The following MYO18B variants were observed in gnomAD, a reference collection of about 807,000 sequenced individuals.
MYO18B encodes myosin XVIIIB.
Under a neutral mutation model 273.0 loss-of-function variants are expected in MYO18B, and 204 were observed. The observed-to-expected ratio is 0.75, with a 90% CI of 0.67 to 0.84. The LOEUF is 0.84. MYO18B is among the 40% of genes least tolerant of loss of function. The pLI is 0.00. For missense variants in MYO18B, 3,212 were observed against 3,287.6 expected, an observed-to-expected ratio of 0.98 and a Z score of 0.56; for synonymous variants, 1,330 against 1,305.7, an observed-to-expected ratio of 1.02 and a Z score of -0.40.
At chr22:26,016,789 C>A (rs6004895) in intron 42 of MYO18B, among the ~76,000 whole-genome samples, 71,290 of 151,964 alleles carry the variant, frequency 0.47, 17,527 homozygotes, top group African/African-American at 0.55. Context: ...AATAGACAAC[C>A]ACAGTACAGA....
At chr22:25,767,357 G>C (rs1047481859) in intron 3 of MYO18B, among the ~76,000 whole-genome samples, 1 of 152,188 alleles carries the variant, frequency 6.6e-6, no homozygotes, top group Non-Finnish European at 1.5e-5. Context: ...GCAGAAACCA[G>C]GGCCCTCAGC....
chr22:26,020,237 CCTT>C (rs1289400077), intron 42 of MYO18B, among the ~76,000 whole-genome samples: 1 of 152,118 alleles, frequency 6.6e-6, no homozygotes, highest in Non-Finnish European at 1.5e-5. Context: ...ATAGGTGCCT[CCTT>C]CTTTGTTCTT....
chr22:25,868,307 A>T lies in MYO18B; in HGVS notation c.3886-13A>T, dbSNP rs765149814. 6 of 1,592,922 alleles carry T rather than the reference A, an allele frequency of 3.8e-6. No homozygotes were observed. The highest frequency in any genetic ancestry group is 1.1e-5 in the South Asian group (1 of 87,184). ...TTCTATGCTGTCTAACTTCTCTCTA[A>T]TTTTTTCCCCAGGCCGTGGAGGAGC... On this transcript the variant is annotated splice_polypyrimidine_tract_variant and intron_variant, in intron 21 of 43. Transcript: ENST00000335473.
chr22:25,745,960 G>T (rs2085767229), intron 1 of MYO18B, among the ~76,000 whole-genome samples: 1 of 152,140 alleles, frequency 6.6e-6, no homozygotes, highest in African/African-American at 2.4e-5. Flanking sequence ...TGAGTTATTA[G>T]CCCCATTTTA....
chr22:25,928,361 G>C (rs1366212734), intron 34 of MYO18B, among the ~76,000 whole-genome samples: 3 of 145,422 alleles, frequency 2.1e-5, no homozygotes, highest in African/African-American at 7.8e-5. Flanking sequence ...CTGAGCCCAG[G>C]AGTTTGAGAC....
At position 25,874,491 on chromosome 22, in the gene MYO18B, T is replaced by C. The variant is rs1240903411; in HGVS notation, c.4080+77T>C. The stretch of plus-strand genomic sequence containing the variant: ...CATAGGGTCTGCCTGTCTTTCAGGA[T>C]GATACCGGTGCACCGGGTCCAAGGA... On this transcript the variant is annotated intron_variant, in intron 23 of 43. Transcript: ENST00000335473. The C allele has an allele frequency of 3.3e-6, 5 of 1,527,738 alleles. No homozygotes were observed. In the South Asian group the frequency reaches 4.9e-5, roughly 15 times the overall value. The allele number at this position is 1,527,738 out of a possible 1,614,324, so 94.6% of individuals were successfully genotyped here. A position where few individuals can be genotyped will look rare whatever the true frequency, so the allele number is the denominator to read the frequency against.
intron 25 of MYO18B, among the ~76,000 whole-genome samples, chr22:25,890,360 A>T (rs1309633060): frequency 6.6e-6 from 1 of 152,196 alleles, no homozygotes; most frequent in Non-Finnish European, 1.5e-5. Flanking sequence ...ATCCAGTGAG[A>T]TGATTTGCTA....
chr22:25,952,493 C>A, intron 38 of MYO18B, 70 bp downstream of exon 38: 1 of 1,568,078 alleles, frequency 6.4e-7, no homozygotes, highest in South Asian at 1.2e-5. Flanking sequence ...TTCATCCATC[C>A]TTCTACTACT....
intron 39 of MYO18B, among the ~76,000 whole-genome samples, chr22:25,979,029 A>G (rs1396274710): frequency 2.6e-5 from 4 of 152,204 alleles, no homozygotes; most frequent in Non-Finnish European, 4.4e-5. Context: ...CAGAGGAAAG[A>G]TGCAAGAGAT....
chr22:25,877,311 A>T (rs2091226607), intron 24 of MYO18B: 1 of 152,236 alleles, frequency 6.6e-6, no homozygotes, highest in Non-Finnish European at 1.5e-5. Context: ...TCTTTAAAAA[A>T]AAAAATTCAT....
the MYO18B span, among the ~76,000 whole-genome samples, chr22:26,036,404 T>C: frequency 6.6e-6 from 1 of 152,204 alleles, no homozygotes; most frequent in Admixed American, 6.5e-5. Flanking sequence ...TTGGTGATAT[T>C]CAAACATCAC....
intron 12 of MYO18B, among the ~76,000 whole-genome samples, chr22:25,821,168 C>T (rs2089264191): frequency 6.6e-6 from 1 of 152,174 alleles, no homozygotes; most frequent in Non-Finnish European, 1.5e-5. Context: ...GCACTGATTT[C>T]CTTGGGATAA....
chr22:25,826,413 C>T lies in MYO18B; in HGVS notation c.2700C>T (p.Leu900=). The change falls in exon 14 of 44, where the codon CTC becomes CTT. Residue 900 remains leucine, a synonymous_variant. Transcript: ENST00000335473. Reference sequence around the variant, plus strand: ...TGATTCTGTCCTCTTTCCCAGGGCTCAAGATGACAGGAGTGGACTGTGTGG... The same window carrying T: ...TGATTCTGTCCTCTTTCCCAGGGCTTAAGATGACAGGAGTGGACTGTGTGG... ...GLEDEETSSG[L]KMTGVDCVEG... The T allele has an allele frequency of 6.2e-7, 1 of 1,610,578 alleles. No individual in the cohort carries two copies.
At chr22:26,046,401 C>A in the MYO18B span, among the ~76,000 whole-genome samples, 1 of 152,288 alleles carries the variant, frequency 6.6e-6, no homozygotes, top group East Asian at 1.9e-4. Flanking sequence ...AGTGGGGCAC[C>A]ATGACAGATG....
chr22:25,743,470 AGAAG>A (rs2085687741), intron 1 of MYO18B, among the ~76,000 whole-genome samples: 1 of 152,102 alleles, frequency 6.6e-6, no homozygotes, highest in South Asian at 2.1e-4. Flanking sequence ...GAGAGAGAAA[AGAAG>A]GAAGAGGAGG....
rs4049349 is a variant in MYO18B, at chr22:25,876,003, CGTGT to C, written c.4081-147_4081-144del. 0.062 allele frequency among the ~76,000 whole-genome samples: 8,677 copies of C among 139,836 alleles called. 298 individuals are homozygous for C. The highest frequency in any genetic ancestry group is 0.16 in the East Asian group (772 of 4,700). The allele number at this position is 139,836 out of a possible 152,430, so 91.7% of individuals were successfully genotyped here. On this transcript the variant is annotated intron_variant, in intron 23 of 43. Coordinates refer to ENST00000335473, the MANE Select transcript of MYO18B (RefSeq NM_032608.7). ...CAAAAAGACTACAAGAAAGGAAGCC[CGTGT>C]GTGTGTGTGTGTGTGTGTGTGTGTG...
At chr22:25,808,699 G>T (rs184304080) in intron 12 of MYO18B, among the ~76,000 whole-genome samples, 1 of 152,154 alleles carries the variant, frequency 6.6e-6, no homozygotes, top group African/African-American at 2.4e-5. Flanking sequence ...GAACCAGGCT[G>T]ACCAGTGTTC....
chr22:26,042,717 ACACT>A, the MYO18B span, among the ~76,000 whole-genome samples: 1 of 152,178 alleles, frequency 6.6e-6, no homozygotes, highest in Non-Finnish European at 1.5e-5. Context: ...CCCTCTTCAA[ACACT>A]CATTCATTCA....
At chr22:25,995,681 C>A (rs904949725) in intron 40 of MYO18B, among the ~76,000 whole-genome samples, 4 of 152,214 alleles carry the variant, frequency 2.6e-5, no homozygotes, top group African/African-American at 7.2e-5. Flanking sequence ...GGGGAGAAAT[C>A]CCCTCTGGCT....
Sources: allele counts gnomAD v4.1 joint callset (sites outside exome capture counted in the v4.1 genomes callset), GRCh38; gene constraint gnomAD v4.1.1; transcripts MANE v1.5; gene names NCBI Gene and HGNC (gene_info 2026-07-23, HGNC 2026-07-21).